GEMIN5: variants seen among roughly 807,000 people sequenced by gnomAD.
The protein encoded by GEMIN5 is gem nuclear organelle associated protein 5.
A neutral mutation model predicts 176.9 loss-of-function variants in GEMIN5; 124 were observed. The ratio of observed to expected loss-of-function variants is 0.70; its 90% CI spans 0.61 to 0.81. The LOEUF is 0.81. GEMIN5 is among the 40% of genes least tolerant of loss of function. The pLI is 0.00. For missense variants in GEMIN5, 1,843 were observed against 1,814.6 expected (o/e 1.02, Z -0.28); for synonymous variants, 673 against 665.2 (o/e 1.01, Z -0.18).
intron 13 of GEMIN5, among the ~76,000 whole-genome samples, chr5:154,915,968 T>A (rs1374265971): frequency 6.6e-6 from 1 of 152,114 alleles, no homozygotes; most frequent in East Asian, 1.9e-4. Flanking sequence ...TAAAAAAAAA[T>A]AAATAATTTG....
At chr5:154,896,028 G>C (rs1323489657) in intron 24 of GEMIN5, 64 bp downstream of exon 24, 3 of 1,569,446 alleles carry the variant, frequency 1.9e-6, no homozygotes, top group Non-Finnish European at 2.6e-6. Flanking sequence ...CGTTACAATA[G>C]ACATGGATTA....
intron 7 of GEMIN5, 121 bp downstream of exon 7, chr5:154,927,262 ACT>A: frequency 1.7e-6 from 1 of 597,746 alleles, no homozygotes; most frequent in Non-Finnish European, 3.0e-6. Flanking sequence ...TGTAGCAGTA[ACT>A]CTGAAATTGG....
intron 14 of GEMIN5, among the ~76,000 whole-genome samples, chr5:154,912,134 G>A (rs1763715740): frequency 6.6e-6 from 1 of 152,166 alleles, no homozygotes; most frequent in South Asian, 2.1e-4. Context: ...TTTTGAATGA[G>A]CTTCTACTGG....
chr5:154,892,965 C>T (rs1207123472), intron 24 of GEMIN5, among the ~76,000 whole-genome samples: 3 of 151,970 alleles, frequency 2.0e-5, no homozygotes, highest in Non-Finnish European at 4.4e-5. Flanking sequence ...GGCATGATGG[C>T]GCGTGCCTGT....
chr5:154,899,850 A>C (rs1361537604), intron 21 of GEMIN5, among the ~76,000 whole-genome samples: 2 of 152,148 alleles, frequency 1.3e-5, no homozygotes, highest in Admixed American at 1.3e-4. Flanking sequence ...ATTCCAAAGT[A>C]GAATGGTTGT....
Position 154,907,781 on chromosome 5 carries a change from A to C in GEMIN5, c.2205T>G (p.Ser735=). The C allele has an allele frequency of 6.2e-7, 1 of 1,613,842 alleles. No homozygotes were observed. Among genetic ancestry groups the C allele is most frequent in the Non-Finnish European group, 8.5e-7 (1 of 1,179,948 alleles). The change falls in exon 16 of 28, where the codon TCT becomes TCG. Residue 735 remains serine (S), a synonymous_variant. Transcript: ENST00000285873. Reference sequence around the variant, plus strand: ...TCTTTTTGGGCTTTGCCTTAGGTTGAGAGAGCCGTTTTTTCTCCAATTCAA... The same window carrying C: ...TCTTTTTGGGCTTTGCCTTAGGTTGCGAGAGCCGTTTTTTCTCCAATTCAA... ...KSIELEKKRL[S]QPKAKPKKKK...
At position 154,927,552 on chromosome 5, in the gene GEMIN5, T is replaced by C; in HGVS notation, c.915-2A>G. On this transcript the variant is annotated splice_acceptor_variant, in intron 6 of 27. Transcript: ENST00000285873. LOFTEE classifies it high-confidence loss of function. ...AGATCCCATTGCAACAGTTCACCTC[T>C]GTGAAGGAAAAACATAAGCATTAGT... 6.3e-7 allele frequency: 1 copy of C among 1,580,630 alleles called. No homozygotes were observed. The highest frequency in any genetic ancestry group is 8.7e-7 in the Non-Finnish European group (1 of 1,154,768).
In GEMIN5 at chr5:154,891,502, T is replaced by C; in HGVS notation, c.4001A>G (p.Glu1334Gly). The change falls in exon 26 of 28, where the codon GAG (glutamate) becomes GGG (glycine). Residue 1334 changes from glutamate to glycine, a missense_variant. Coordinates refer to ENST00000285873, the MANE Select transcript of GEMIN5 (RefSeq NM_015465.5). ...GTCTAGTTCTGAAGGCCTGTTTGGC[T>C]CTGGCTGAGAAGTTTCAGGGTCCGT... is the stretch of plus-strand genomic sequence containing the variant. ...EETDPETSQP[E>G]PNRPSELDLR... 6.2e-7 allele frequency: 1 copy of C among 1,614,186 alleles called. No homozygotes were observed. The highest frequency in any genetic ancestry group is 8.5e-7 in the Non-Finnish European group (1 of 1,180,030).
At chr5:154,919,683 T>C (rs1763883005) in intron 11 of GEMIN5, among the ~76,000 whole-genome samples, 1 of 152,240 alleles carries the variant, frequency 6.6e-6, no homozygotes, top group Non-Finnish European at 1.5e-5. Context: ...TAATAAATCA[T>C]TGTTGCAATT....
intron 21 of GEMIN5, among the ~76,000 whole-genome samples, chr5:154,900,914 A>G (rs1763448225): frequency 6.6e-6 from 1 of 152,090 alleles, no homozygotes. Flanking sequence ...AACTTGCCCT[A>G]ACGAAGTTTA....
intron 24 of GEMIN5, among the ~76,000 whole-genome samples, chr5:154,893,255 TAAAAAAAAAAAAAA>T (rs70981957): frequency 1.2e-5 from 1 of 85,684 alleles, no homozygotes; most frequent in South Asian, 4.6e-4. Flanking sequence ...AGCCCGTCTC[TAAAAAAAAAAAAAA>T]AAAAAAAAAA....
intron 10 of GEMIN5, 136 bp from the exon 11 acceptor site, chr5:154,920,239 A>T: frequency 1.8e-6 from 1 of 568,064 alleles, no homozygotes; most frequent in South Asian, 3.7e-5. Context: ...ATACATTGGA[A>T]TAAAATCACT....
rs374532509 is a variant in GEMIN5, at chr5:154,917,022, C to T, written c.1831G>A (p.Val611Met). ...CCTATGACAGTCTTCAGGTTGTGCA[C>T]GTAAATGACTGCATTGTTGGAGCCA... ...ASGSNNAVIY[V>M]HNLKTVIESS... Residue 611 changes from valine (V) to methionine (M), a missense_variant, in exon 13 of 28, where the codon GTG becomes ATG. By Grantham distance (21) the Val-to-Met change is conservative. Coordinates refer to ENST00000285873, the MANE Select transcript of GEMIN5 (RefSeq NM_015465.5). 10 of 1,593,828 alleles carry T rather than the reference C, an allele frequency of 6.3e-6. No individual in the cohort carries two copies. Among genetic ancestry groups the T allele is most frequent in the Admixed American group, 1.7e-5 (1 of 59,180 alleles).
rs745351715 is a variant in GEMIN5, at chr5:154,932,140, G to A, written c.620C>T (p.Pro207Leu). ...EIHSIAWCPLPGEDCLSINQE... is the reference protein window; with the variant it reads ...EIHSIAWCPLLGEDCLSINQE... ...GTTTATAGATAAACAATCTTCACCA[G>A]GCAGGGGACACCAGGCTATGGAGTG... The change falls in exon 4 of 28, where the codon CCT becomes CTT. Residue 207 changes from proline to leucine, a missense_variant. Pro to Leu is a moderately conservative substitution (Grantham distance 98, BLOSUM62 -3). Coordinates refer to ENST00000285873, the MANE Select transcript of GEMIN5 (RefSeq NM_015465.5). The A allele has an allele frequency of 5.0e-6, 8 of 1,613,574 alleles. No homozygotes were observed. The highest frequency in any genetic ancestry group is 1.6e-4 in the Middle Eastern group (1 of 6,080).
intron 3 of GEMIN5, among the ~76,000 whole-genome samples, chr5:154,933,804 G>A (rs1486279016): frequency 1.3e-5 from 2 of 151,854 alleles, no homozygotes; most frequent in African/African-American, 2.4e-5. Flanking sequence ...TCTGAATCAA[G>A]CTTTCTGGGA....
intron 15 of GEMIN5, among the ~76,000 whole-genome samples, chr5:154,910,763 A>G (rs538204699): frequency 6.6e-6 from 1 of 152,236 alleles, no homozygotes; most frequent in East Asian, 1.9e-4. Flanking sequence ...CAGTGGCGCA[A>G]TCTCGGCTCA....
At position 154,898,615 on chromosome 5, in the gene GEMIN5, T is replaced by C; in HGVS notation, c.3170A>G (p.Lys1057Arg). Residue 1057 changes from lysine to arginine, a missense_variant, in exon 23 of 28, where the codon AAA becomes AGA. By Grantham distance (26) the Lys-to-Arg change is conservative. Transcript: ENST00000285873. ...CGCATCCCCCTTTTTGGCCAAAACT[T>C]TGGCTGCATCATAAGCACAAGTGGC... ...LGATCAYDAA[K>R]VLAKKGDAAS... 2 of 1,614,106 alleles carry C rather than the reference T, an allele frequency of 1.2e-6. No homozygotes were observed. The highest frequency in any genetic ancestry group is 1.3e-5 in the African/African-American group (1 of 75,032).
Position 154,934,106 on chromosome 5 carries a change from C to A in GEMIN5, c.509+1735G>T, listed in dbSNP as rs142749540. 5.0e-3 allele frequency among the ~76,000 whole-genome samples: 761 copies of A among 152,280 alleles called. 3 individuals are homozygous for A. The highest frequency in any genetic ancestry group is 0.017 in the African/African-American group (716 of 41,558). ...TCTCATCTCACTGCAACCTCCACTG[C>A]CCAGGTTCAAGCGATTCTCCTGCCT... On this transcript the variant is annotated intron_variant, in intron 3 of 27. Transcript: ENST00000285873.
chr5:154,923,409 C>A (rs1274801006), intron 9 of GEMIN5, among the ~76,000 whole-genome samples: 1 of 152,256 alleles, frequency 6.6e-6, no homozygotes, highest in East Asian at 1.9e-4. Context: ...TCTGCAGTAT[C>A]ATAAATGATT....
Sources: allele counts gnomAD v4.1 joint callset (sites outside exome capture counted in the v4.1 genomes callset), GRCh38; gene constraint gnomAD v4.1.1; transcripts MANE v1.5; gene names NCBI Gene and HGNC (gene_info 2026-07-23, HGNC 2026-07-21).